LCORL: variants seen among roughly 807,000 people sequenced by gnomAD.
LCORL encodes the protein ligand-dependent nuclear receptor corepressor-like protein.
A neutral mutation model predicts 141.8 loss-of-function variants in LCORL; 41 were observed. The ratio of observed to expected loss-of-function variants is 0.29; its 90% CI spans 0.23 to 0.38. The LOEUF (loss-of-function observed/expected upper bound fraction) is 0.38. LCORL is among the 10% of genes least tolerant of loss of function. The pLI is 1.00. For missense variants in LCORL, 1,759 were observed against 2,035.0 expected (o/e 0.86, Z 2.61); for synonymous variants, 618 against 694.1 (o/e 0.89, Z 1.72).
chr4:17,997,775 T>C (rs1721138080), intron 1 of LCORL, among the ~76,000 whole-genome samples: 1 of 137,636 alleles, frequency 7.3e-6, no homozygotes, highest in African/African-American at 3.2e-5. Flanking sequence ...ACTACCATTA[T>C]TGTTTGTTTG....
intron 1 of LCORL, among the ~76,000 whole-genome samples, chr4:18,003,044 T>C (rs1214998013): frequency 6.6e-6 from 1 of 152,218 alleles, no homozygotes. Flanking sequence ...AATCGCAATC[T>C]GACCTCAAGC....
chr4:17,868,536 T>A (rs1013016184), intron 7 of LCORL, among the ~76,000 whole-genome samples: 3 of 152,134 alleles, frequency 2.0e-5, no homozygotes, highest in African/African-American at 4.8e-5. Context: ...CTTTGGGAAC[T>A]CAAAAGATAC....
At chr4:17,972,932 C>T in intron 1 of LCORL, 47 bp from the exon 2 acceptor site, 1 of 860,684 alleles carries the variant, frequency 1.2e-6, no homozygotes, top group Non-Finnish European at 1.7e-6. Context: ...AGAAAAGTTA[C>T]ATTTTACAAT....
intron 6 of LCORL, chr4:17,881,590 C>T: frequency 3.1e-6 from 3 of 980,476 alleles, no homozygotes; most frequent in Non-Finnish European, 3.6e-6. Flanking sequence ...GCAAAATGAT[C>T]CCTGATTTAT....
intron 2 of LCORL, among the ~76,000 whole-genome samples, chr4:17,970,859 T>C (rs1373509871): frequency 4.6e-5 from 7 of 152,186 alleles, no homozygotes; most frequent in Non-Finnish European, 8.8e-5. Flanking sequence ...TCAAAGAAAG[T>C]GTTTATACAT....
At chr4:17,867,430 C>T (rs1725811972) in intron 7 of LCORL, among the ~76,000 whole-genome samples, 1 of 151,928 alleles carries the variant, frequency 6.6e-6, no homozygotes, top group Non-Finnish European at 1.5e-5. Context: ...TAGCAATAGG[C>T]AATATACGAG....
At chr4:17,958,132 G>C (rs376222089) in intron 4 of LCORL, among the ~76,000 whole-genome samples, 1 of 151,744 alleles carries the variant, frequency 6.6e-6, no homozygotes, top group Non-Finnish European at 1.5e-5. Context: ...AAAATAAAAA[G>C]GTTTTTAATA....
At chr4:17,958,566 A>G (rs539985842) in intron 4 of LCORL, among the ~76,000 whole-genome samples, 2 of 152,128 alleles carry the variant, frequency 1.3e-5, no homozygotes, top group South Asian at 2.1e-4. Context: ...CTATATGCCT[A>G]TGTTTATCAA....
chr4:18,013,457 T>G (rs1724117417), intron 1 of LCORL, among the ~76,000 whole-genome samples: 1 of 152,222 alleles, frequency 6.6e-6, no homozygotes, highest in Non-Finnish European at 1.5e-5. Flanking sequence ...ACTACATAAA[T>G]ATTATAGCAT....
At chr4:17,868,785 C>T (rs1302020885) in intron 7 of LCORL, among the ~76,000 whole-genome samples, 1 of 152,140 alleles carries the variant, frequency 6.6e-6, no homozygotes, top group Non-Finnish European at 1.5e-5. Flanking sequence ...GTCCTGTCAT[C>T]CCCACGTGGT....
intron 1 of LCORL, among the ~76,000 whole-genome samples, chr4:18,012,156 G>A (rs1310761465): frequency 6.6e-6 from 1 of 152,208 alleles, no homozygotes; most frequent in African/African-American, 2.4e-5. Flanking sequence ...CCCAAAAGAA[G>A]GAAGAATAAC....
chr4:17,888,422 A>G (rs1728609294), intron 5 of LCORL, among the ~76,000 whole-genome samples: 1 of 152,116 alleles, frequency 6.6e-6, no homozygotes, highest in Non-Finnish European at 1.5e-5. Context: ...AACTACTTGA[A>G]TTCCCTCAAA....
intron 2 of LCORL, among the ~76,000 whole-genome samples, chr4:17,971,659 T>C (rs971968845): frequency 5.9e-5 from 9 of 151,636 alleles, no homozygotes; most frequent in Non-Finnish European, 7.4e-5. Context: ...GAGCTCAAAA[T>C]TGCATTAATA....
chr4:17,953,367 T>C (rs1215892102), intron 4 of LCORL, among the ~76,000 whole-genome samples: 1 of 152,202 alleles, frequency 6.6e-6, no homozygotes, highest in African/African-American at 2.4e-5. Context: ...CCACCAGCAG[T>C]GTGTAAGTGT....
At chr4:17,969,201 T>C (rs965113081) in intron 2 of LCORL, among the ~76,000 whole-genome samples, 1 of 152,162 alleles carries the variant, frequency 6.6e-6, no homozygotes, top group Non-Finnish European at 1.5e-5. Context: ...CATAGAGTAC[T>C]GGGAACTCTT....
At chr4:17,847,395 G>A (rs1577229195) in intron 7 of LCORL, among the ~76,000 whole-genome samples, 1 of 152,108 alleles carries the variant, frequency 6.6e-6, no homozygotes, top group African/African-American at 2.4e-5. Context: ...CAACTCATAT[G>A]CCATTCAATA....
intron 1 of LCORL, among the ~76,000 whole-genome samples, chr4:18,006,749 C>G (rs1278284702): frequency 6.6e-6 from 1 of 152,102 alleles, no homozygotes; most frequent in Non-Finnish European, 1.5e-5. Context: ...CCCTATAATT[C>G]AATTACCTCC....
At chr4:17,914,986 A>T (rs1458126430) in intron 4 of LCORL, among the ~76,000 whole-genome samples, 5 of 152,130 alleles carry the variant, frequency 3.3e-5, no homozygotes, top group African/African-American at 1.2e-4. Flanking sequence ...GTCACTTTGG[A>T]GATTATGTTA....
chr4:18,019,401 T>C (rs935970149), intron 1 of LCORL, among the ~76,000 whole-genome samples: 3 of 152,206 alleles, frequency 2.0e-5, no homozygotes, highest in African/African-American at 7.2e-5. Flanking sequence ...GGATGGAGAC[T>C]GTGGGAAACA....
Sources: allele counts gnomAD v4.1 joint callset (sites outside exome capture counted in the v4.1 genomes callset), GRCh38; gene constraint gnomAD v4.1.1; transcripts MANE v1.5; gene names NCBI Gene and HGNC (gene_info 2026-07-23, HGNC 2026-07-21).